Variants in TET2 observed in about 807,000 individuals in gnomAD.
TET2 encodes tet methylcytosine dioxygenase 2, also known as methylcytosine dioxygenase TET2.
TET2 carries 299 observed loss-of-function variants against 142.9 expected under a neutral mutation model. The observed-to-expected ratio is 2.09, with a 90% CI of 1.90 to 2.30. TET2 has a LOEUF of 2.30. Among genes scored for constraint, TET2 ranks in the 30% most tolerant of loss-of-function variants. The pLI is 0.00. For synonymous variants in TET2, 819 were observed against 849.0 expected (o/e 0.96, Z 0.61); for missense variants, 2,418 against 2,378.0 (o/e 1.02, Z -0.35).
intron 10 of TET2, among the ~76,000 whole-genome samples, chr4:105,273,977 T>C (rs1731081393): frequency 6.6e-6 from 1 of 152,228 alleles, no homozygotes; most frequent in Admixed American, 6.5e-5. Flanking sequence ...ACCAGTTTGC[T>C]TAAAACTAGC....
intron 2 of TET2, among the ~76,000 whole-genome samples, chr4:105,220,822 T>C (rs1242526356): frequency 1.3e-5 from 2 of 152,188 alleles, no homozygotes; most frequent in African/African-American, 4.8e-5. Flanking sequence ...TCTATCACCA[T>C]AGCTACTTCA....
chr4:105,198,476 T>C (rs1726228732), intron 2 of TET2, among the ~76,000 whole-genome samples: 1 of 152,232 alleles, frequency 6.6e-6, no homozygotes, highest in African/African-American at 2.4e-5. Context: ...GATATTTCTC[T>C]TAATTAACCT....
At chr4:105,225,821 G>T (rs547728848) in intron 2 of TET2, among the ~76,000 whole-genome samples, 25 of 152,206 alleles carry the variant, frequency 1.6e-4, no homozygotes, top group African/African-American at 5.3e-4. Context: ...CATTATCAGG[G>T]GAGATTCATA....
chr4:105,242,863 T>G lies in TET2; in HGVS notation c.3530T>G (p.Ile1177Ser), dbSNP rs1277728246. 1 of 1,551,434 alleles carries G rather than the reference T, an allele frequency of 6.4e-7. No individual in the cohort carries two copies. Among genetic ancestry groups the G allele is most frequent in the Non-Finnish European group, 8.7e-7 (1 of 1,146,858 alleles). ...RFGQKGKAIR[I>S]ERVIYTGKEG... ...GGACAGAAGGGTAAAGCTATTAGGA[T>G]TGAAAGAGTCATCTATACTGGTAAA... The change falls in exon 5 of 11, where the codon ATT becomes AGT. Residue 1177 changes from isoleucine (I) to serine (S), a missense_variant. Transcript: ENST00000380013.
chr4:105,200,710 G>T (rs1726408967), intron 2 of TET2, among the ~76,000 whole-genome samples: 1 of 151,882 alleles, frequency 6.6e-6, no homozygotes, highest in Non-Finnish European at 1.5e-5. Flanking sequence ...CACCAGTCTG[G>T]AGTGTGGTGA....
rs1483465321 is a variant in TET2 at position 105,272,669 on chromosome 4, G to C, written c.4288G>C (p.Gly1430Arg). ...LYKVSDVDEF[G>R]SVEAQEEKKR... ...CAAAGTCTCTGACGTGGATGAGTTTGGGAGTGTGGAAGCTCAGGAGGAGAA... is the reference window on the plus strand; with the variant it reads ...CAAAGTCTCTGACGTGGATGAGTTTCGGAGTGTGGAAGCTCAGGAGGAGAA... The change falls in exon 10 of 11, where the codon GGG becomes CGG. Residue 1430 changes from glycine (G) to arginine (R), a missense_variant. Coordinates refer to ENST00000380013, the MANE Select transcript of TET2 (RefSeq NM_001127208.3). 6.4e-7 allele frequency: 1 copy of C among 1,551,752 alleles called. No homozygotes were observed. The highest frequency in any genetic ancestry group is 8.7e-7 in the Non-Finnish European group (1 of 1,146,994).
chr4:105,276,188 A>ACC lies in TET2; in HGVS notation c.5681_5682dup (p.Thr1895ProfsTer14), dbSNP rs1246299925. The ACC allele has an allele frequency of 6.4e-7, 1 of 1,551,620 alleles. No individual in the cohort carries two copies. Among genetic ancestry groups the ACC allele is most frequent in the South Asian group, 1.2e-5 (1 of 84,054 alleles). On this transcript the variant is annotated frameshift_variant, in exon 11 of 11. Coordinates refer to ENST00000380013, the MANE Select transcript of TET2 (RefSeq NM_001127208.3). LOFTEE classifies it high-confidence loss of function. ...CCTTTAAAGAATCCCAATAGGAATC[A>ACC]CCCCACCAGGATCTCCCTCGTCTTT...
chr4:105,232,103 C>T (rs1337619588), intron 2 of TET2, among the ~76,000 whole-genome samples: 6 of 152,150 alleles, frequency 3.9e-5, no homozygotes, highest in African/African-American at 1.4e-4. Context: ...TTAGCTGCCA[C>T]TTAAGAGAAC....
intron 6 of TET2, among the ~76,000 whole-genome samples, chr4:105,250,485 C>G: frequency 6.9e-6 from 1 of 144,352 alleles, no homozygotes; most frequent in Admixed American, 7.3e-5. Flanking sequence ...CCCTCCTAGG[C>G]TTCCCAGAGA....
intron 1 of TET2, among the ~76,000 whole-genome samples, chr4:105,179,503 T>A (rs1724995428): frequency 6.6e-6 from 1 of 152,236 alleles, no homozygotes; most frequent in South Asian, 2.1e-4. Context: ...ACAGACTCCA[T>A]CCTTTTTCTC....
intron 4 of TET2, chr4:105,242,397 C>G: frequency 4.6e-6 from 5 of 1,082,250 alleles, no homozygotes; most frequent in Non-Finnish European, 5.7e-6. Flanking sequence ...TATTTGCCAG[C>G]CTCCTTTTCT....
In TET2 at chr4:105,235,958, T is replaced by C; in HGVS notation, c.2016T>C (p.His672=). 1 of 1,614,158 alleles carries C rather than the reference T, an allele frequency of 6.2e-7. No homozygotes were observed. The highest frequency in any genetic ancestry group is 8.5e-7 in the Non-Finnish European group (1 of 1,180,008). Reference sequence around the variant, plus strand: ...AAACAGACCATTTACCAAAAGCTCATGTGCAGTCACTGTGTGGCACTAGAT... The same window carrying C: ...AAACAGACCATTTACCAAAAGCTCACGTGCAGTCACTGTGTGGCACTAGAT... ...FSKTDHLPKA[H]VQSLCGTRFH... The change falls in exon 3 of 11, where the codon CAT becomes CAC. Residue 672 remains histidine (H), a synonymous_variant. Transcript: ENST00000380013.
chr4:105,190,300 G>C, intron 1 of TET2, 60 bp from the exon 2 acceptor site: 2 of 564,060 alleles, frequency 3.5e-6, no homozygotes, highest in South Asian at 2.4e-5. Flanking sequence ...CTTTATATCA[G>C]GTGTATATAC....
chr4:105,179,601 A>T (rs1282430462), intron 1 of TET2, among the ~76,000 whole-genome samples: 1 of 152,194 alleles, frequency 6.6e-6, no homozygotes, highest in East Asian at 1.9e-4. Flanking sequence ...TATCCTCTTC[A>T]TTTGGGAAAT....
chr4:105,147,067 C>G (rs1387159765), intron 1 of TET2, 88 bp downstream of exon 1: 5 of 152,294 alleles, frequency 3.3e-5, no homozygotes, highest in Non-Finnish European at 4.4e-5. Context: ...GGAGCAAACC[C>G]TGTAGTGTCA....
chr4:105,197,788 A>G (rs1235099564), intron 2 of TET2, among the ~76,000 whole-genome samples: 1 of 152,260 alleles, frequency 6.6e-6, no homozygotes, highest in African/African-American at 2.4e-5. Flanking sequence ...CTAATGAAAT[A>G]TAAAACCAGA....
chr4:105,175,035 A>G (rs1724699685), intron 1 of TET2, among the ~76,000 whole-genome samples: 1 of 152,200 alleles, frequency 6.6e-6, no homozygotes, highest in Non-Finnish European at 1.5e-5. Context: ...TTCATAGTCC[A>G]TGGGTACAGT....
intron 1 of TET2, among the ~76,000 whole-genome samples, chr4:105,149,930 T>C (rs1340284708): frequency 6.6e-6 from 1 of 152,242 alleles, no homozygotes; most frequent in African/African-American, 2.4e-5. Context: ...AAAGTCCTTA[T>C]TGGGCACTGG....
At chr4:105,247,914 G>A (rs1027014314) in intron 6 of TET2, among the ~76,000 whole-genome samples, 3 of 151,784 alleles carry the variant, frequency 2.0e-5, no homozygotes, top group South Asian at 2.1e-4. Context: ...TAGAGACGGG[G>A]TTTCGCCATG....
Sources: allele counts gnomAD v4.1 joint callset (sites outside exome capture counted in the v4.1 genomes callset), GRCh38; gene constraint gnomAD v4.1.1; transcripts MANE v1.5; gene names NCBI Gene and HGNC (gene_info 2026-07-23, HGNC 2026-07-21).